GOLGA1: variants seen among roughly 807,000 people sequenced by gnomAD.
The protein encoded by GOLGA1 is golgin A1.
A neutral mutation model predicts 119.7 loss-of-function variants in GOLGA1; 63 were observed. The observed-to-expected ratio is 0.53, with a 90% CI of 0.43 to 0.65. GOLGA1 has a LOEUF of 0.65. GOLGA1 is among the 30% of genes least tolerant of loss of function. The pLI, the probability that GOLGA1 is intolerant of heterozygous loss-of-function variation, is 0.00. For synonymous variants in GOLGA1, 318 were observed against 333.4 expected (o/e 0.95, Z 0.50); for missense variants, 798 against 912.8 (o/e 0.87, Z 1.62).
intron 12 of GOLGA1, among the ~76,000 whole-genome samples, chr9:124,902,410 C>G (rs1413154101): frequency 6.6e-6 from 1 of 151,824 alleles, no homozygotes; most frequent in Non-Finnish European, 1.5e-5. Context: ...CCGCGCCCAG[C>G]TGGGGAGCTT....
At chr9:124,919,524 G>A (rs555726361) in intron 10 of GOLGA1, among the ~76,000 whole-genome samples, 92 of 152,330 alleles carry the variant, frequency 6.0e-4, no homozygotes, top group Middle Eastern at 3.4e-3. Context: ...GAGTTCTGGA[G>A]TAAGACTTGG....
intron 11 of GOLGA1, among the ~76,000 whole-genome samples, chr9:124,909,544 G>A (rs1321733795): frequency 6.7e-6 from 1 of 150,036 alleles, no homozygotes; most frequent in African/African-American, 2.5e-5. Flanking sequence ...GGGAAGCAGA[G>A]GTTGCAGTGA....
chr9:124,907,758 C>A (rs682897), intron 12 of GOLGA1, among the ~76,000 whole-genome samples: 1 of 152,014 alleles, frequency 6.6e-6, no homozygotes, highest in African/African-American at 2.4e-5. Flanking sequence ...AATACCACTC[C>A]ACACTCAGTA....
chr9:124,937,004 G>T (rs1830883776), intron 3 of GOLGA1, among the ~76,000 whole-genome samples: 1 of 152,144 alleles, frequency 6.6e-6, no homozygotes, highest in African/African-American at 2.4e-5. Flanking sequence ...ATCCTAAATT[G>T]GGTAGAGGAA....
rs540012809 is a variant in GOLGA1, at chr9:124,931,107, A to C, written c.226+209T>G. 1.1e-4 allele frequency among the ~76,000 whole-genome samples: 17 copies of C among 152,336 alleles called. No individual in the cohort carries two copies. The South Asian group carries it at 3.1e-3, about 28-fold the overall frequency. ...ATGGCTAGAAACCTCAGGAGCAGAA[A>C]AAATTTTTTAATAAACTTTCAAATT... On this transcript the variant is annotated intron_variant, in intron 4 of 22. Coordinates refer to ENST00000373555, the MANE Select transcript of GOLGA1 (RefSeq NM_002077.4).
chr9:124,934,731 C>A (rs1010825681), intron 3 of GOLGA1, among the ~76,000 whole-genome samples: 1 of 152,064 alleles, frequency 6.6e-6, no homozygotes, highest in Non-Finnish European at 1.5e-5. Context: ...ACTGGAGAGA[C>A]ATGAACAGAT....
intron 8 of GOLGA1, among the ~76,000 whole-genome samples, 174 bp from the exon 9 acceptor site, chr9:124,922,066 A>C (rs1830580993): frequency 1.3e-5 from 2 of 151,958 alleles, no homozygotes; most frequent in Admixed American, 1.3e-4. Context: ...TATCTCTACT[A>C]AAAATACAAA....
intron 10 of GOLGA1, among the ~76,000 whole-genome samples, chr9:124,913,341 A>G (rs959787202): frequency 6.6e-5 from 10 of 152,208 alleles, no homozygotes; most frequent in Non-Finnish European, 1.0e-4. Flanking sequence ...ATGAGTTCTT[A>G]CATCCCCACT....
rs1830112053 is a variant in GOLGA1 at position 124,901,858 on chromosome 9, A to T, written c.1066-1311T>A. On this transcript the variant is annotated intron_variant, in intron 12 of 22. Coordinates refer to ENST00000373555, the MANE Select transcript of GOLGA1 (RefSeq NM_002077.4). ...TCCTTGAAGTGGAATTACTGTTCACAATACAAATTCAGGATTTACTCATTC... is the reference window on the plus strand; with the variant it reads ...TCCTTGAAGTGGAATTACTGTTCACTATACAAATTCAGGATTTACTCATTC... Among the ~76,000 whole-genome samples, 3 of 152,212 alleles carry T rather than the reference A, an allele frequency of 2.0e-5. No individual in the cohort carries two copies. The South Asian group carries it at 6.2e-4, about 31-fold the overall frequency.
At chr9:124,922,570 A>C (rs1196417631) in intron 8 of GOLGA1, among the ~76,000 whole-genome samples, 1 of 151,190 alleles carries the variant, frequency 6.6e-6, no homozygotes, top group Non-Finnish European at 1.5e-5. Flanking sequence ...AAAAAAAAGA[A>C]AGAAAGAAAG....
At chr9:124,889,695 G>T (rs1829813290) in intron 16 of GOLGA1, among the ~76,000 whole-genome samples, 159 bp from the exon 17 acceptor site, 1 of 152,110 alleles carries the variant, frequency 6.6e-6, no homozygotes. Context: ...CTATGAACAT[G>T]CACAAATCTA....
chr9:124,885,778 C>T (rs1449613213), intron 19 of GOLGA1, among the ~76,000 whole-genome samples: 1 of 152,026 alleles, frequency 6.6e-6, no homozygotes, highest in African/African-American at 2.4e-5. Context: ...GGGGCCACAC[C>T]ACACAGGGCT....
intron 19 of GOLGA1, among the ~76,000 whole-genome samples, chr9:124,887,763 G>C (rs1411748170): frequency 6.6e-6 from 1 of 152,158 alleles, no homozygotes; most frequent in African/African-American, 2.4e-5. Flanking sequence ...AAAGGCTGGA[G>C]GGTGAAGGGT....
At chr9:124,936,093 G>C (rs915855435) in intron 3 of GOLGA1, among the ~76,000 whole-genome samples, 1 of 152,142 alleles carries the variant, frequency 6.6e-6, no homozygotes, top group Non-Finnish European at 1.5e-5. Flanking sequence ...GTCAATCTCT[G>C]TATTTGGAAT....
At chr9:124,939,454 T>C (rs1830950652) in intron 2 of GOLGA1, among the ~76,000 whole-genome samples, 1 of 151,864 alleles carries the variant, frequency 6.6e-6, no homozygotes, top group Non-Finnish European at 1.5e-5. Context: ...GACAACTCTA[T>C]TATATAAGTA....
chr9:124,916,694 T>C (rs1830451803), intron 10 of GOLGA1, among the ~76,000 whole-genome samples: 1 of 151,664 alleles, frequency 6.6e-6, no homozygotes, highest in Admixed American at 6.6e-5. Context: ...GGCAACATAG[T>C]GAGACCTTAA....
intron 10 of GOLGA1, among the ~76,000 whole-genome samples, chr9:124,917,450 TAC>T (rs1178712644): frequency 2.0e-5 from 3 of 152,202 alleles, no homozygotes; most frequent in Non-Finnish European, 4.4e-5. Context: ...CCCATAAAAA[TAC>T]AGACTTTTCT....
chr9:124,909,745 C>A (rs1213993045), intron 11 of GOLGA1, among the ~76,000 whole-genome samples: 1 of 151,896 alleles, frequency 6.6e-6, no homozygotes, highest in African/African-American at 2.4e-5. Context: ...AGGGTAGGGC[C>A]AGAGATATAT....
intron 3 of GOLGA1, among the ~76,000 whole-genome samples, chr9:124,936,238 T>C (rs1040911057): frequency 6.6e-6 from 1 of 152,130 alleles, no homozygotes; most frequent in African/African-American, 2.4e-5. Flanking sequence ...CTCTTAAATA[T>C]AGGAGCCAGT....
Sources: gnomAD v4.1 joint callset for allele counts (sites outside exome capture counted in the v4.1 genomes callset) on GRCh38, gnomAD v4.1.1 for gene constraint, MANE v1.5 for transcripts, NCBI Gene and HGNC (gene_info 2026-07-23, HGNC 2026-07-21) for gene names.